The following PTPRT variants were observed in gnomAD, a reference collection of about 807,000 sequenced individuals.
The protein encoded by PTPRT is protein tyrosine phosphatase receptor type T, also known as receptor-type tyrosine-protein phosphatase T.
In PTPRT, 56 loss-of-function variants were observed where a neutral mutation model predicts 176.8. The observed-to-expected ratio is 0.32, with a 90% CI of 0.26 to 0.40. The LOEUF is 0.40. Among genes scored for constraint, PTPRT ranks in the 10% least tolerant of loss-of-function variants. The pLI, the probability that PTPRT is intolerant of heterozygous loss-of-function variation, is 1.00. For missense variants in PTPRT, 1,540 were observed against 1,908.2 expected (o/e 0.81, Z 3.60); for synonymous variants, 783 against 739.0 (o/e 1.06, Z -0.96).
chr20:42,544,393 A>G (rs2072637110), intron 7 of PTPRT, among the ~76,000 whole-genome samples: 1 of 152,184 alleles, frequency 6.6e-6, no homozygotes, highest in Non-Finnish European at 1.5e-5. Context: ...TTCTTCTGCT[A>G]CTTCCTCACC....
intron 1 of PTPRT, among the ~76,000 whole-genome samples, chr20:43,144,578 T>G (rs367553700): frequency 6.6e-6 from 1 of 152,044 alleles, no homozygotes; most frequent in African/African-American, 2.4e-5. Flanking sequence ...GAATCAAAAG[T>G]GATGTATGAG....
At chr20:42,450,512 T>C (rs754775940) in intron 8 of PTPRT, among the ~76,000 whole-genome samples, 22 of 152,244 alleles carry the variant, frequency 1.4e-4, no homozygotes, top group Non-Finnish European at 3.1e-4. Flanking sequence ...CTATACCTTG[T>C]GCTCATTTTC....
At chr20:43,154,557 T>C (rs1208199609) in intron 1 of PTPRT, among the ~76,000 whole-genome samples, 1 of 152,188 alleles carries the variant, frequency 6.6e-6, no homozygotes, top group Non-Finnish European at 1.5e-5. Context: ...TCTGTGAAGA[T>C]CATCATTGGT....
chr20:42,963,028 C>A (rs1260654535), intron 1 of PTPRT, among the ~76,000 whole-genome samples: 2 of 152,004 alleles, frequency 1.3e-5, no homozygotes, highest in Non-Finnish European at 2.9e-5. Flanking sequence ...GAAACCCCGT[C>A]TCTATTAAAA....
chr20:43,094,476 G>A (rs960760584), intron 1 of PTPRT, among the ~76,000 whole-genome samples: 2 of 123,108 alleles, frequency 1.6e-5, no homozygotes, highest in Admixed American at 1.1e-4. Context: ...TCGGCTCACC[G>A]CAACCTCCAC....
In PTPRT at chr20:43,083,487, A is replaced by C. The variant is rs1011845512; in HGVS notation, c.88+106159T>G. On this transcript the variant is annotated intron_variant, in intron 1 of 30. Transcript: ENST00000373187. ...GCACTTCTCCTGCCTCAGCCTCCCA[A>C]GTAGCTGGGATTACAGTCACGCAAC... 4.7e-5 allele frequency among the ~76,000 whole-genome samples: 7 copies of C among 150,328 alleles called. No individual in the cohort carries two copies. In the East Asian group the frequency reaches 1.4e-3, roughly 29 times the overall value.
intron 1 of PTPRT, among the ~76,000 whole-genome samples, chr20:42,895,465 T>A (rs2079279231): frequency 6.6e-6 from 1 of 152,158 alleles, no homozygotes; most frequent in African/African-American, 2.4e-5. Context: ...TTCACTAAGA[T>A]AAGCTAATCA....
chr20:42,315,914 C>T lies in PTPRT; in HGVS notation c.1948G>A (p.Val650Met), dbSNP rs775796300. Residue 650 changes from valine (V) to methionine (M), a missense_variant, in exon 12 of 31, where the codon GTG becomes ATG. Physicochemically the swap from Val to Met is conservative, Grantham distance 21. Transcript: ENST00000373187. ...AGGCTGGAGGCATTCCGATAGCTCA[C>T]GGGCACCGAAAAGCACTCAATAATG... Reference protein sequence around the residue: ...ADIIECFSVPVSYRNASSLDS... With the variant: ...ADIIECFSVPMSYRNASSLDS... 123 of 1,614,012 alleles carry T rather than the reference C, an allele frequency of 7.6e-5. 1 individual carries two copies. The highest frequency in any genetic ancestry group is 5.3e-5 in the Non-Finnish European group (63 of 1,180,032).
chr20:42,444,222 C>A (rs1476839640), intron 9 of PTPRT, among the ~76,000 whole-genome samples: 1 of 152,212 alleles, frequency 6.6e-6, no homozygotes. Flanking sequence ...GGCCTTTGCA[C>A]TCACTGTTTT....
At chr20:42,337,137 C>CT (rs1274104165) in intron 11 of PTPRT, among the ~76,000 whole-genome samples, 3 of 151,436 alleles carry the variant, frequency 2.0e-5, no homozygotes, top group African/African-American at 4.9e-5. Context: ...AATAGCAATG[C>CT]TTACAGATAT....
intron 9 of PTPRT, among the ~76,000 whole-genome samples, chr20:42,385,298 G>C (rs540043162): frequency 2.0e-5 from 3 of 152,102 alleles, no homozygotes; most frequent in Non-Finnish European, 4.4e-5. Context: ...AAGTCTTGCC[G>C]TATGTGACAA....
chr20:42,892,488 A>C (rs1007252000), intron 1 of PTPRT, among the ~76,000 whole-genome samples: 1 of 130,494 alleles, frequency 7.7e-6, no homozygotes, highest in Non-Finnish European at 1.5e-5. Context: ...GGAGCTAAGT[A>C]AAAAAAAAAA....
chr20:42,362,274 C>T (rs2058441368), intron 9 of PTPRT, among the ~76,000 whole-genome samples: 1 of 151,764 alleles, frequency 6.6e-6, no homozygotes, highest in African/African-American at 2.4e-5. Flanking sequence ...CTCTAAAAAA[C>T]AAAAGTAAAA....
intron 1 of PTPRT, among the ~76,000 whole-genome samples, chr20:43,137,408 A>G (rs1478766088): frequency 6.6e-6 from 1 of 152,238 alleles, no homozygotes; most frequent in African/African-American, 2.4e-5. Context: ...ATTTGGGGCT[A>G]TAACAACAGG....
intron 1 of PTPRT, among the ~76,000 whole-genome samples, chr20:43,174,013 T>G (rs1366909070): frequency 2.0e-5 from 3 of 152,250 alleles, no homozygotes; most frequent in African/African-American, 7.2e-5. Flanking sequence ...GTCTGCCTCA[T>G]GGGATCATTA....
intron 13 of PTPRT, among the ~76,000 whole-genome samples, chr20:42,277,987 T>C (rs1326023991): frequency 6.8e-6 from 1 of 147,604 alleles, no homozygotes; most frequent in Non-Finnish European, 1.5e-5. Context: ...CTGGGAATAA[T>C]AAAACAGTGC....
At chr20:42,325,541 A>G (rs1219403805) in intron 11 of PTPRT, among the ~76,000 whole-genome samples, 1 of 152,144 alleles carries the variant, frequency 6.6e-6, no homozygotes, top group Non-Finnish European at 1.5e-5. Context: ...TTCAGTTTCA[A>G]TATACTGTAT....
At position 42,221,605 on chromosome 20, in the gene PTPRT, C is replaced by T. The variant is rs557957329; in HGVS notation, c.2342+14624G>A. ...GCAGCGGCATGATCTCCACTCACTGCAACTCCCAGGTTCAAGCGATTTTCA... is the reference window on the plus strand; with the variant it reads ...GCAGCGGCATGATCTCCACTCACTGTAACTCCCAGGTTCAAGCGATTTTCA... On this transcript the variant is annotated intron_variant, in intron 15 of 30. Transcript: ENST00000373187. Among the ~76,000 whole-genome samples, 6 of 151,668 alleles carry T rather than the reference C, an allele frequency of 4.0e-5. No homozygotes were observed. The East Asian group carries it at 1.2e-3, about 30-fold the overall frequency.
At chr20:42,847,407 C>G (rs962755517) in intron 2 of PTPRT, among the ~76,000 whole-genome samples, 2 of 152,162 alleles carry the variant, frequency 1.3e-5, no homozygotes, top group Non-Finnish European at 2.9e-5. Context: ...ATACAGAAGA[C>G]CAAGGGCATT....
Sources: gnomAD v4.1 joint callset for allele counts (sites outside exome capture counted in the v4.1 genomes callset) on GRCh38, gnomAD v4.1.1 for gene constraint, MANE v1.5 for transcripts, NCBI Gene and HGNC (gene_info 2026-07-23, HGNC 2026-07-21) for gene names.